The following CREB5 variants were observed in gnomAD, a reference collection of about 807,000 sequenced individuals.
CREB5 encodes the protein cAMP responsive element binding protein 5, also known as cyclic AMP-responsive element-binding protein 5.
Under a neutral mutation model 57.1 loss-of-function variants are expected in CREB5, and 19 were observed. That is an observed-to-expected ratio of 0.33 (90% CI 0.23 to 0.49). The LOEUF (loss-of-function observed/expected upper bound fraction) is 0.49. CREB5 is among the 20% of genes least tolerant of loss of function. CREB5 has a pLI of 0.99. For synonymous variants in CREB5, 238 were observed against 238.3 expected, an observed-to-expected ratio of 1.00 and a Z score of 0.01; for missense variants, 579 against 671.6, an observed-to-expected ratio of 0.86 and a Z score of 1.52.
intron 5 of CREB5, among the ~76,000 whole-genome samples, chr7:28,707,768 T>C (rs1208503013): frequency 6.6e-6 from 1 of 152,264 alleles, no homozygotes; most frequent in African/African-American, 2.4e-5. Context: ...TAAATCCACA[T>C]GCTGCTGATG....
intron 1 of CREB5, among the ~76,000 whole-genome samples, chr7:28,369,658 T>C (rs1786665408): frequency 6.6e-6 from 1 of 152,202 alleles, no homozygotes; most frequent in African/African-American, 2.4e-5. Context: ...TACTGCTTTG[T>C]CCAATGGCCA....
chr7:28,534,327 C>G (rs1793863264), intron 4 of CREB5, among the ~76,000 whole-genome samples: 1 of 152,204 alleles, frequency 6.6e-6, no homozygotes, highest in Non-Finnish European at 1.5e-5. Flanking sequence ...GCAATAGATG[C>G]TCTGGCCTCT....
At chr7:28,525,674 A>G (rs1793417611) in intron 4 of CREB5, among the ~76,000 whole-genome samples, 1 of 152,174 alleles carries the variant, frequency 6.6e-6, no homozygotes, top group African/African-American at 2.4e-5. Context: ...ACAGGCACTT[A>G]TAATAAGGTG....
chr7:28,377,158 A>G lies in CREB5; in HGVS notation c.-25+77717A>G, dbSNP rs190397952. On this transcript the variant is annotated intron_variant, in intron 1 of 9. Coordinates refer to the CREB5 transcript ENST00000396299. ...TATTAGAAAGGTATCCCTTCCTAAC[A>G]TATAGGAATTGGCTCTCTTTTGCTC... Among the ~76,000 whole-genome samples the G allele has an allele frequency of 1.1e-4, 16 of 152,234 alleles. No homozygotes were observed. The East Asian group carries it at 3.1e-3, about 29-fold the overall frequency.
chr7:28,477,971 G>T (rs999616683), intron 1 of CREB5, among the ~76,000 whole-genome samples: 16 of 152,052 alleles, frequency 1.1e-4, no homozygotes, highest in African/African-American at 3.9e-4. Flanking sequence ...AAAATTAGCT[G>T]GGTGTGGTGG....
At chr7:28,751,538 C>T (rs1804973593) in intron 7 of CREB5, among the ~76,000 whole-genome samples, 1 of 152,160 alleles carries the variant, frequency 6.6e-6, no homozygotes, top group Admixed American at 6.5e-5. Flanking sequence ...GAGGGCTTGC[C>T]TCCCTAGTTA....
chr7:28,516,502 C>T (rs751566177), intron 4 of CREB5, among the ~76,000 whole-genome samples: 1 of 152,324 alleles, frequency 6.6e-6, no homozygotes, highest in East Asian at 1.9e-4. Context: ...AACCACAGTG[C>T]AGCCCTGAAG....
At chr7:28,302,114 G>A (rs1785106443) in intron 1 of CREB5, among the ~76,000 whole-genome samples, 1 of 152,004 alleles carries the variant, frequency 6.6e-6, no homozygotes, top group Non-Finnish European at 1.5e-5. Flanking sequence ...TAATAAATGT[G>A]GTATATTATT....
intron 5 of CREB5, among the ~76,000 whole-genome samples, chr7:28,657,100 T>A (rs1799360935): frequency 6.6e-6 from 1 of 152,068 alleles, no homozygotes; most frequent in Admixed American, 6.5e-5. Context: ...CTCCTGAAAA[T>A]ACACCTGTCC....
chr7:28,324,318 A>G (rs144883466), intron 1 of CREB5, among the ~76,000 whole-genome samples: 46 of 151,634 alleles, frequency 3.0e-4, no homozygotes, highest in African/African-American at 8.7e-4. Context: ...TCACTCCCTC[A>G]CTTCAGTTCT....
intron 4 of CREB5, among the ~76,000 whole-genome samples, chr7:28,539,669 G>A (rs1460961367): frequency 6.6e-6 from 1 of 152,208 alleles, no homozygotes; most frequent in South Asian, 2.1e-4. Flanking sequence ...CCATGGGAAG[G>A]TCTGCTCCCT....
chr7:28,546,883 G>A (rs1794444071), intron 4 of CREB5, among the ~76,000 whole-genome samples: 1 of 152,184 alleles, frequency 6.6e-6, no homozygotes, highest in Admixed American at 6.5e-5. Flanking sequence ...GCCACTCTTG[G>A]TGTGGATAGA....
At chr7:28,610,246 G>A (rs572028517) in intron 5 of CREB5, among the ~76,000 whole-genome samples, 24 of 152,262 alleles carry the variant, frequency 1.6e-4, no homozygotes, top group Middle Eastern at 3.4e-3. Flanking sequence ...TGGGGAGCTG[G>A]AAGCAAGGGG....
At chr7:28,634,858 A>G (rs1297121724) in intron 5 of CREB5, among the ~76,000 whole-genome samples, 2 of 152,104 alleles carry the variant, frequency 1.3e-5, no homozygotes, top group African/African-American at 4.8e-5. Context: ...ACAGATTACT[A>G]TTGTCTTTTC....
rs1562797035 is a variant in CREB5, at chr7:28,560,829, C to CGTGT, written c.292-9535_292-9534insTGTG. Among the ~76,000 whole-genome samples, 21 of 65,176 alleles carry CGTGT rather than the reference C, an allele frequency of 3.2e-4. 2 individuals are homozygous for CGTGT. The highest frequency in any genetic ancestry group is 5.3e-4 in the Non-Finnish European group (17 of 32,228). The allele number at this position is 65,176 out of a possible 152,430, so 42.8% of individuals were successfully genotyped here. A position where few individuals can be genotyped will look rare whatever the true frequency, so the allele number is the denominator to read the frequency against. ...GTGCGCGTGTGTGTGTGTGCGCGCG[C>CGTGT]GCGCGTGTGTGTGTGCGCGTGTGTG... On this transcript the variant is annotated intron_variant, in intron 4 of 10. Coordinates refer to ENST00000357727, the MANE Select transcript of CREB5 (RefSeq NM_182898.4).
chr7:28,648,608 G>A (rs984592817), intron 5 of CREB5, among the ~76,000 whole-genome samples: 1 of 152,038 alleles, frequency 6.6e-6, no homozygotes, highest in African/African-American at 2.4e-5. Flanking sequence ...TGGGCTTGCT[G>A]GTGCATGCCC....
intron 2 of CREB5, among the ~76,000 whole-genome samples, chr7:28,494,606 C>T (rs1791940882): frequency 6.6e-6 from 1 of 152,128 alleles, no homozygotes; most frequent in African/African-American, 2.4e-5. Context: ...TGCTTATTAT[C>T]AGTACTCAGC....
At chr7:28,513,755 G>A (rs999816562) in intron 4 of CREB5, 1 of 152,146 alleles carries the variant, frequency 6.6e-6, no homozygotes, top group Non-Finnish European at 1.5e-5. Flanking sequence ...ATGTGTTTTA[G>A]GTCACTAGGA....
Position 28,331,942 on chromosome 7 carries a change from A to G in CREB5, c.-25+32501A>G, listed in dbSNP as rs112929413. Among the ~76,000 whole-genome samples the G allele has an allele frequency of 7.3e-3, 1,112 of 152,186 alleles. 13 individuals are homozygous for G. The highest frequency in any genetic ancestry group is 0.025 in the African/African-American group (1,052 of 41,530). ...TCGAATGATGACCCTCCCCCAAAAG[A>G]TATGTCTTACCCAGAACCTTTGAAT... is the stretch of plus-strand genomic sequence containing the variant. On this transcript the variant is annotated intron_variant, in intron 1 of 9. Transcript: ENST00000396299.
Sources: gnomAD v4.1 joint callset for allele counts (sites outside exome capture counted in the v4.1 genomes callset) on GRCh38, gnomAD v4.1.1 for gene constraint, MANE v1.5 for transcripts, NCBI Gene and HGNC (gene_info 2026-07-23, HGNC 2026-07-21) for gene names.